Variants in EMP2 observed in about 807,000 individuals in gnomAD.
EMP2 encodes epithelial membrane protein 2.
A neutral mutation model predicts 13.7 loss-of-function variants in EMP2; 19 were observed. The ratio of observed to expected loss-of-function variants is 1.38; its 90% CI spans 0.97 to 2.03. The LOEUF (loss-of-function observed/expected upper bound fraction) is 2.03. EMP2 is among the 30% of genes most tolerant of loss of function. The pLI, the probability that EMP2 is intolerant of heterozygous loss-of-function variation, is 0.00. For missense variants in EMP2, 253 were observed against 220.7 expected, an observed-to-expected ratio of 1.15 and a Z score of -0.93; for synonymous variants, 97 against 84.7, an observed-to-expected ratio of 1.15 and a Z score of -0.80.
chr16:10,532,751 CTTTTTTCTTTTTTTTTTTTTT>C lies in EMP2; in HGVS notation c.*133_*153del. 1.0e-5 allele frequency: 2 copies of C among 197,912 alleles called. No homozygotes were observed. Among genetic ancestry groups the C allele is most frequent in the African/African-American group, 1.5e-4 (2 of 13,556 alleles). The allele number at this position is 197,912 out of a possible 1,614,324, so 12.3% of individuals were successfully genotyped here. A position where few individuals can be genotyped will look rare whatever the true frequency, so the allele number is the denominator to read the frequency against. On this transcript the variant is annotated 3_prime_UTR_variant, in exon 5 of 5. Transcript: ENST00000359543. ...CTTCTCTCTTTTGGATTTTTTTTTT[CTTTTTTCTTTTTTTTTTTTTT>C]TTTTTTTTTTTTTTGGCTTTTAAAG...
chr16:10,535,162 G>A (rs888606341), intron 4 of EMP2, among the ~76,000 whole-genome samples: 5 of 152,038 alleles, frequency 3.3e-5, no homozygotes, highest in African/African-American at 1.2e-4. Flanking sequence ...TGCTGCTTGC[G>A]TCTAAAGATC....
At chr16:10,561,199 G>A (rs112872797) in intron 1 of EMP2, among the ~76,000 whole-genome samples, 15 of 152,180 alleles carry the variant, frequency 9.9e-5, no homozygotes, top group South Asian at 2.1e-4. Flanking sequence ...TTCTAGTGCC[G>A]TGATCTGCAC....
chr16:10,550,210 TATG>T (rs1213811036), intron 1 of EMP2, among the ~76,000 whole-genome samples: 1 of 152,126 alleles, frequency 6.6e-6, no homozygotes, highest in African/African-American at 2.4e-5. Flanking sequence ...ATAACCACAC[TATG>T]ATGATCACAA....
intron 1 of EMP2, among the ~76,000 whole-genome samples, chr16:10,561,737 T>C (rs535018822): frequency 2.0e-5 from 3 of 152,344 alleles, no homozygotes; most frequent in Non-Finnish European, 2.9e-5. Context: ...GGCATGTTTT[T>C]GCAGGACAGT....
intron 4 of EMP2, among the ~76,000 whole-genome samples, chr16:10,536,494 C>G (rs2050648094): frequency 6.6e-6 from 1 of 152,172 alleles, no homozygotes; most frequent in East Asian, 1.9e-4. Flanking sequence ...ATGGGAGTTC[C>G]CCTGCACACG....
At chr16:10,546,330 C>T (rs113164433) in intron 2 of EMP2, 39 of 152,324 alleles carry the variant, frequency 2.6e-4, no homozygotes, top group African/African-American at 7.9e-4. Flanking sequence ...AGGATGGAAG[C>T]CAGGTCTTTG....
intron 1 of EMP2, among the ~76,000 whole-genome samples, chr16:10,556,694 A>C (rs2050830006): frequency 6.6e-6 from 1 of 152,034 alleles, no homozygotes; most frequent in Non-Finnish European, 1.5e-5. Context: ...CAGGATTTTC[A>C]TGTCAATCTT....
intron 1 of EMP2, among the ~76,000 whole-genome samples, chr16:10,550,216 G>T (rs930245553): frequency 1.3e-5 from 2 of 152,022 alleles, no homozygotes; most frequent in Non-Finnish European, 1.5e-5. Flanking sequence ...ACACTATGAT[G>T]ATCACAATGG....
At position 10,532,758 on chromosome 16, in the gene EMP2, C is replaced by CTTTTTCTTTTTTTTTTTTTTTTTTTTTTT. The variant is rs1567199104; in HGVS notation, c.*146_*147insAAAAAAAAAAAAAAAAAAAAAAAGAAAAA. ...CTTTTGGATTTTTTTTTTCTTTTTT[C>CTTTTTCTTTTTTTTTTTTTTTTTTTTTTT]TTTTTTTTTTTTTTTTTTTTTTTTT... On this transcript the variant is annotated 3_prime_UTR_variant, in exon 5 of 5. Transcript: ENST00000359543. The CTTTTTCTTTTTTTTTTTTTTTTTTTTTTT allele has an allele frequency of 1.8e-4, 32 of 182,536 alleles. 3 individuals are homozygous for CTTTTTCTTTTTTTTTTTTTTTTTTTTTTT. Among genetic ancestry groups the CTTTTTCTTTTTTTTTTTTTTTTTTTTTTT allele is most frequent in the African/African-American group, 2.1e-4 (5 of 23,740 alleles). 11.3% of individuals were successfully genotyped at this position (182,536 alleles called of 1,614,324 possible). A position where few individuals can be genotyped will look rare whatever the true frequency, so the allele number is the denominator to read the frequency against.
chr16:10,534,718 G>C (rs1158828286), intron 4 of EMP2, among the ~76,000 whole-genome samples: 3 of 152,086 alleles, frequency 2.0e-5, no homozygotes, highest in African/African-American at 7.2e-5. Flanking sequence ...GCGAGCCAAG[G>C]TCGCACCCCT....
chr16:10,532,653 G>GTGGGCAGC lies in EMP2; in HGVS notation c.*251_*252insGCTGCCCA, dbSNP rs1344671076. ...TGGATTTTTGCTTGTGTCTTGTTGA[G>GTGGGCAGC]ACTTTTGAGTGGGCAGCAGTTCTGA... On this transcript the variant is annotated 3_prime_UTR_variant, in exon 5 of 5. Coordinates refer to ENST00000359543, the MANE Select transcript of EMP2 (RefSeq NM_001424.6). 3.8e-6 allele frequency: 1 copy of GTGGGCAGC among 260,940 alleles called. No individual in the cohort carries two copies. The highest frequency in any genetic ancestry group is 2.2e-5 in the African/African-American group (1 of 45,134). 16.2% of individuals were successfully genotyped at this position (260,940 alleles called of 1,614,324 possible).
intron 3 of EMP2, among the ~76,000 whole-genome samples, chr16:10,541,285 T>G (rs2050696571): frequency 6.6e-6 from 1 of 152,088 alleles, no homozygotes; most frequent in Non-Finnish European, 1.5e-5. Context: ...ATTTTAAAAG[T>G]AAACTTTTTA....
chr16:10,548,733 T>TA (rs2050759232), intron 1 of EMP2, among the ~76,000 whole-genome samples: 2 of 151,906 alleles, frequency 1.3e-5, no homozygotes, highest in Non-Finnish European at 2.9e-5. Flanking sequence ...TAAAATAAAA[T>TA]AAATACCCAC....
intron 4 of EMP2, among the ~76,000 whole-genome samples, 199 bp downstream of exon 4, chr16:10,537,729 A>C (rs2142170703): frequency 6.6e-6 from 1 of 151,380 alleles, no homozygotes; most frequent in Non-Finnish European, 1.5e-5. Context: ...CCCAAATATA[A>C]ACGTCCCACT....
At position 10,537,924 on chromosome 16, in the gene EMP2, T is replaced by G; in HGVS notation, c.316+4A>C. ...TTGTTAGGGAAGCCCGTTGATGTAC[T>G]TACATGACATTAGCTGGATGATGGA... On this transcript the variant is annotated splice_donor_region_variant and intron_variant, in intron 4 of 4. Coordinates refer to ENST00000359543, the MANE Select transcript of EMP2 (RefSeq NM_001424.6). 6.2e-7 allele frequency: 1 copy of G among 1,613,988 alleles called. No individual in the cohort carries two copies. The highest frequency in any genetic ancestry group is 1.3e-5 in the African/African-American group (1 of 75,010).
At chr16:10,543,738 A>G (rs994879905) in intron 2 of EMP2, 78 bp from the exon 3 acceptor site, 7 of 1,380,102 alleles carry the variant, frequency 5.1e-6, no homozygotes, top group Non-Finnish European at 7.2e-6. Context: ...GGCACGAGGC[A>G]TGGTGGGCTT....
intron 3 of EMP2, among the ~76,000 whole-genome samples, chr16:10,540,823 T>C (rs993100300): frequency 2.0e-5 from 3 of 152,256 alleles, no homozygotes; most frequent in South Asian, 4.2e-4. Flanking sequence ...CTCTTTAACA[T>C]AGACTTATGG....
At chr16:10,570,517 C>T (rs1437435401) in intron 1 of EMP2, among the ~76,000 whole-genome samples, 1 of 152,196 alleles carries the variant, frequency 6.6e-6, no homozygotes, top group Non-Finnish European at 1.5e-5. Context: ...CCTGCCTCAG[C>T]CTCCCAAGTA....
rs1377602363 is a variant in EMP2, at chr16:10,580,065, G to T, written c.-61+484C>A. ...CACCGTTCCTGACCCCCAAGAAGTCGCTCCTCGCCGCTCGGGGGCGCGACG... is the reference window on the plus strand; with the variant it reads ...CACCGTTCCTGACCCCCAAGAAGTCTCTCCTCGCCGCTCGGGGGCGCGACG... On this transcript the variant is annotated intron_variant, in intron 1 of 4. Coordinates refer to ENST00000359543, the MANE Select transcript of EMP2 (RefSeq NM_001424.6). The surrounding 1 kb of genome is among the most constrained non-coding windows in gnomAD (Gnocchi z 4.3). Among the ~76,000 whole-genome samples the T allele has an allele frequency of 6.6e-6, 1 of 152,152 alleles. No individual in the cohort carries two copies. The highest frequency in any genetic ancestry group is 2.4e-5 in the African/African-American group (1 of 41,450).
Sources: allele counts gnomAD v4.1 joint callset (sites outside exome capture counted in the v4.1 genomes callset), GRCh38; gene constraint gnomAD v4.1.1; non-coding constraint Gnocchi (gnomAD v3.1); transcripts MANE v1.5; gene names NCBI Gene and HGNC (gene_info 2026-07-23, HGNC 2026-07-21).